DLG2: variants seen among roughly 807,000 people sequenced by gnomAD.
DLG2 encodes the protein discs large MAGUK scaffold protein 2.
DLG2 carries 45 observed loss-of-function variants against 132.5 expected under a neutral mutation model. That is an observed-to-expected ratio of 0.34 (90% CI 0.27 to 0.44). The LOEUF (loss-of-function observed/expected upper bound fraction) is 0.44, where lower values mean the gene tolerates loss of function less well. DLG2 is among the 20% of genes least tolerant of loss of function. The pLI is 1.00. For missense variants in DLG2, 1,045 were observed against 1,196.9 expected (o/e 0.87, Z 1.87); for synonymous variants, 424 against 419.6 (o/e 1.01, Z -0.13).
intron 6 of DLG2, among the ~76,000 whole-genome samples, chr11:85,074,058 A>G (rs771536453): frequency 2.6e-5 from 4 of 151,866 alleles, no homozygotes; most frequent in African/African-American, 9.7e-5. Context: ...ATATGGACAC[A>G]ATGCAAAGAA....
chr11:83,750,922 T>C (rs1593616699), intron 18 of DLG2, among the ~76,000 whole-genome samples: 1 of 152,326 alleles, frequency 6.6e-6, no homozygotes, highest in East Asian at 1.9e-4. Context: ...ACTCCCCGTG[T>C]ATCAGATATT....
chr11:84,845,531 C>G (rs775751996), intron 6 of DLG2, among the ~76,000 whole-genome samples: 3 of 152,032 alleles, frequency 2.0e-5, no homozygotes, highest in Non-Finnish European at 4.4e-5. Flanking sequence ...ATCCAGTGAA[C>G]ATGTCTATGT....
chr11:84,153,385 C>T (rs1019134411), intron 9 of DLG2, among the ~76,000 whole-genome samples: 3 of 152,056 alleles, frequency 2.0e-5, no homozygotes, highest in Admixed American at 6.5e-5. Context: ...CTGTCAACCT[C>T]TCTAGTGAAA....
At chr11:85,450,045 T>C (rs1161305954) in intron 3 of DLG2, among the ~76,000 whole-genome samples, 2 of 152,070 alleles carry the variant, frequency 1.3e-5, no homozygotes, top group Admixed American at 6.6e-5. Flanking sequence ...GAGAATCGCT[T>C]GAACCCAGGA....
At chr11:83,823,973 G>A (rs1321400116) in intron 17 of DLG2, among the ~76,000 whole-genome samples, 1 of 152,148 alleles carries the variant, frequency 6.6e-6, no homozygotes, top group Non-Finnish European at 1.5e-5. Flanking sequence ...CTGCATCGCA[G>A]AAAGAGCATA....
At chr11:84,791,513 C>T (rs531908594) in intron 6 of DLG2, among the ~76,000 whole-genome samples, 6 of 152,206 alleles carry the variant, frequency 3.9e-5, no homozygotes, top group African/African-American at 1.4e-4. Context: ...TGCATTGAAT[C>T]TGTAGATTGC....
intron 4 of DLG2, among the ~76,000 whole-genome samples, chr11:85,164,143 T>G (rs967910882): frequency 1.3e-5 from 2 of 152,154 alleles, no homozygotes; most frequent in African/African-American, 4.8e-5. Flanking sequence ...CTGATAAAAG[T>G]TGTCATAGAC....
chr11:85,157,305 T>C (rs569730906), intron 4 of DLG2, among the ~76,000 whole-genome samples: 2 of 152,256 alleles, frequency 1.3e-5, no homozygotes, highest in Middle Eastern at 3.4e-3. Flanking sequence ...AGGGACAGAA[T>C]ATTAAGGATG....
At chr11:84,900,903 A>G (rs1255300395) in intron 6 of DLG2, among the ~76,000 whole-genome samples, 1 of 152,086 alleles carries the variant, frequency 6.6e-6, no homozygotes, top group African/African-American at 2.4e-5. Context: ...TTCAGTACAC[A>G]ATATGCAAGG....
chr11:83,479,962 C>G (rs1345463149), intron 22 of DLG2, among the ~76,000 whole-genome samples: 1 of 151,900 alleles, frequency 6.6e-6, no homozygotes, highest in East Asian at 1.9e-4. Context: ...TAAAGGGGAG[C>G]CAAGAACAGA....
chr11:84,066,797 G>C (rs574057008), intron 10 of DLG2, among the ~76,000 whole-genome samples: 21 of 151,992 alleles, frequency 1.4e-4, no homozygotes, highest in Non-Finnish European at 1.9e-4. Flanking sequence ...TAGATGTTAG[G>C]TCACAGGGTC....
At chr11:84,669,135 G>A (rs2099703003) in intron 6 of DLG2, among the ~76,000 whole-genome samples, 2 of 152,086 alleles carry the variant, frequency 1.3e-5, no homozygotes, top group African/African-American at 2.4e-5. Context: ...ACCTAAGTGA[G>A]GCAAAGGGCA....
At chr11:84,904,445 G>A (rs552360956) in intron 6 of DLG2, among the ~76,000 whole-genome samples, 5 of 151,964 alleles carry the variant, frequency 3.3e-5, no homozygotes, top group African/African-American at 7.3e-5. Flanking sequence ...TATGGCCTCC[G>A]TTTACTTTTT....
At chr11:84,720,465 G>A in intron 6 of DLG2, 1 of 985,320 alleles carries the variant, frequency 1.0e-6, no homozygotes, top group Non-Finnish European at 1.2e-6. Context: ...GGCACATGGA[G>A]CGACAGCCTA....
intron 18 of DLG2, among the ~76,000 whole-genome samples, chr11:83,780,667 G>C (rs1314682237): frequency 2.6e-5 from 4 of 152,290 alleles, no homozygotes; most frequent in African/African-American, 7.2e-5. Flanking sequence ...TAGCTGAGGA[G>C]TTCTAGCAAG....
At chr11:84,444,389 T>C (rs2099026769) in intron 7 of DLG2, among the ~76,000 whole-genome samples, 1 of 152,090 alleles carries the variant, frequency 6.6e-6, no homozygotes, top group Admixed American at 6.5e-5. Context: ...GGTGATAAAA[T>C]AAAATATTAA....
At chr11:85,154,430 GC>G (rs1171318680) in intron 5 of DLG2, 125 bp downstream of exon 5, 1 of 546,884 alleles carries the variant, frequency 1.8e-6, no homozygotes, top group African/African-American at 1.9e-5. Context: ...TGCTGACCAG[GC>G]CAAAGCTAGA....
chr11:84,783,323 T>A (rs1045956619), intron 6 of DLG2, among the ~76,000 whole-genome samples: 1 of 152,056 alleles, frequency 6.6e-6, no homozygotes, highest in South Asian at 2.1e-4. Flanking sequence ...TTCTGGACAA[T>A]TTCTAAGATC....
intron 8 of DLG2, among the ~76,000 whole-genome samples, chr11:84,183,424 A>G (rs2096194793): frequency 6.6e-6 from 1 of 151,926 alleles, no homozygotes; most frequent in Non-Finnish European, 1.5e-5. Context: ...GTGTATGGGA[A>G]CCCTTTGTAC....
Sources: allele counts gnomAD v4.1 joint callset (sites outside exome capture counted in the v4.1 genomes callset), GRCh38; gene constraint gnomAD v4.1.1; transcripts MANE v1.5; gene names NCBI Gene and HGNC (gene_info 2026-07-23, HGNC 2026-07-21).